AFF2: variants seen among roughly 807,000 people sequenced by gnomAD.
AFF2 encodes the protein ALF transcription elongation factor 2.
Under a neutral mutation model 76.9 loss-of-function variants are expected in AFF2, and 14 were observed. The observed-to-expected ratio is 0.18, with a 90% confidence interval of 0.12 to 0.28. The LOEUF is 0.28. Among genes scored for constraint, AFF2 ranks in the 10% least tolerant of loss-of-function variants. The pLI, the probability that AFF2 is intolerant of heterozygous loss-of-function variation, is 1.00. For synonymous variants in AFF2, 398 were observed against 366.7 expected, an observed-to-expected ratio of 1.09 and a Z score of -0.98; for missense variants, 868 against 1,001.1, an observed-to-expected ratio of 0.87 and a Z score of 1.79.
In AFF2 at chrX:148,967,635, C is replaced by A; in HGVS notation, c.3210C>A (p.His1070Gln). The change falls in exon 15 of 21, where the codon CAC becomes CAA. Residue 1070 changes from histidine (H) to glutamine (Q), a missense_variant. Around this residue, in one of 6 missense-constraint regions of AFF2, gnomAD observed 57 missense variants for 117.8 expected, o/e 0.48. Coordinates refer to ENST00000370460, the MANE Select transcript of AFF2 (RefSeq NM_002025.4). Reference protein sequence around the residue: ...RPKLTFDDSVHNADYYMQEAK... With the variant: ...RPKLTFDDSVQNADYYMQEAK... Reference sequence around the variant, plus strand: ...GCTTGTTTTGTTTATTTAGGGTTCACAATGCTGATTATTACATGCAAGAAG... The same window carrying A: ...GCTTGTTTTGTTTATTTAGGGTTCAAAATGCTGATTATTACATGCAAGAAG... 8.3e-7 allele frequency: 1 copy of A among 1,208,742 alleles called. No individual in the cohort carries two copies. The highest frequency in any genetic ancestry group is 1.1e-6 in the Non-Finnish European group (1 of 893,253).
chrX:148,626,189 G>C (rs1340052203), intron 1 of AFF2, among the ~76,000 whole-genome samples: 1 of 110,746 alleles, frequency 9.0e-6, no homozygotes, highest in Non-Finnish European at 1.9e-5. Context: ...ATGGATGTCG[G>C]GTGGTATTGT....
At chrX:148,915,030 T>TCAGTTG (rs1240423113) in intron 9 of AFF2, among the ~76,000 whole-genome samples, 4 of 112,475 alleles carry the variant, frequency 3.6e-5, no homozygotes, top group African/African-American at 1.3e-4. Flanking sequence ...AAGTTATTAT[T>TCAGTTG]CAGTTGACTA....
chrX:148,885,931 C>A lies in AFF2; in HGVS notation c.1305C>A (p.Asp435Glu), dbSNP rs782394662. Residue 435 changes from aspartate (D) to glutamate (E), a missense_variant, in exon 8 of 21, where the codon GAC (aspartate) becomes GAA (glutamate). This residue lies in a region of AFF2 where 532 missense variants were observed against 564.2 expected (regional missense o/e 0.94). Transcript: ENST00000370460. ...TGAAGCTGAGCAGTGATGAAGATGA[C>A]CTTGAGCCTGTGAAGACCTTGACCA... The part of the protein sequence containing the change: ...DDLKLSSDED[D>E]LEPVKTLTTQ... 1.7e-5 allele frequency: 21 copies of A among 1,210,469 alleles called. No homozygotes were observed. In the East Asian group the frequency reaches 6.2e-4, roughly 36 times the overall value.
chrX:148,691,437 G>A (rs1416846895), intron 3 of AFF2, among the ~76,000 whole-genome samples: 1 of 111,971 alleles, frequency 8.9e-6, no homozygotes, highest in Admixed American at 9.5e-5. Flanking sequence ...GAAACTCATA[G>A]TCTAGAGCGG....
rs1472578216 is a variant in AFF2, at chrX:148,967,218, A to AC, written c.3203+144dup. The AC allele has an allele frequency of 7.8e-6, 7 of 895,927 alleles. No individual in the cohort carries two copies. The Admixed American group carries it at 2.1e-4, about 26-fold the overall frequency. 73.8% of individuals were successfully genotyped at this position (895,927 alleles called of 1,213,427 possible). Reference sequence around the variant, plus strand: ...TCCTATACCCTTAAAAGTCCACCCCACCCCCTGCATACACACTCACCACTC... The same window carrying AC: ...TCCTATACCCTTAAAAGTCCACCCCACCCCCCTGCATACACACTCACCACTC... On this transcript the variant is annotated intron_variant, in intron 14 of 20. Coordinates refer to ENST00000370460, the MANE Select transcript of AFF2 (RefSeq NM_002025.4).
chrX:148,997,293 ACACACACT>A lies in AFF2; in HGVS notation c.*5969_*5976del, dbSNP rs1444202464. On this transcript the variant is annotated 3_prime_UTR_variant, in exon 21 of 21. Coordinates refer to ENST00000370460, the MANE Select transcript of AFF2 (RefSeq NM_002025.4). ...TGAGGCTTTCATTAAATACACACAC[ACACACACT>A]CACACACACACACATACACTTTTTA... 5 of 107,919 alleles carry A rather than the reference ACACACACT, an allele frequency of 4.6e-5. No individual in the cohort carries two copies. The highest frequency in any genetic ancestry group is 1.8e-4 in the African/African-American group (5 of 27,313). 8.9% of individuals were successfully genotyped at this position (107,919 alleles called of 1,213,427 possible).
intron 3 of AFF2, among the ~76,000 whole-genome samples, chrX:148,747,795 C>T (rs2055440499): frequency 8.9e-6 from 1 of 111,921 alleles, no homozygotes; most frequent in African/African-American, 3.2e-5. Context: ...GTGATTATAT[C>T]TCTTCTTCAG....
At chrX:148,556,823 C>T (rs1317810203) in intron 1 of AFF2, among the ~76,000 whole-genome samples, 1 of 112,157 alleles carries the variant, frequency 8.9e-6, no homozygotes, top group Non-Finnish European at 1.9e-5. Context: ...CCATCTTATT[C>T]CAACAGTTCT....
intron 16 of AFF2, among the ~76,000 whole-genome samples, chrX:148,977,078 T>C (rs1168287776): frequency 1.8e-5 from 2 of 112,198 alleles, no homozygotes; most frequent in African/African-American, 3.2e-5. Context: ...CGCCTTCTTA[T>C]AAATGAGAAC....
intron 7 of AFF2, among the ~76,000 whole-genome samples, chrX:148,849,360 CT>C (rs2070704402): frequency 7.5e-5 from 2 of 26,730 alleles, no homozygotes; most frequent in African/African-American, 5.1e-4. Context: ...ATGTCTCTCT[CT>C]CTCCTCCCCC....
intron 1 of AFF2, among the ~76,000 whole-genome samples, chrX:148,563,516 G>T (rs782569941): frequency 1.5e-4 from 17 of 111,185 alleles, no homozygotes; most frequent in Non-Finnish European, 2.6e-4. Context: ...CATGCTGGGG[G>T]TGATGGAGGT....
chrX:148,868,881 A>T (rs1557277078), intron 7 of AFF2, among the ~76,000 whole-genome samples: 2 of 112,226 alleles, frequency 1.8e-5, no homozygotes, highest in Non-Finnish European at 1.9e-5. Context: ...CCAGCCTTTT[A>T]TAAGGCACTA....
intron 3 of AFF2, among the ~76,000 whole-genome samples, chrX:148,750,190 G>A (rs1054591953): frequency 1.8e-5 from 2 of 110,044 alleles, no homozygotes; most frequent in African/African-American, 3.3e-5. Flanking sequence ...GGCTGGTCTC[G>A]AACTCCTGAC....
chrX:148,958,995 GAAAAAA>G (rs3060071), intron 12 of AFF2, among the ~76,000 whole-genome samples: 8 of 89,705 alleles, frequency 8.9e-5, no homozygotes, highest in Non-Finnish European at 1.1e-4. Context: ...CCAAGGGAAT[GAAAAAA>G]AAAAAAAAAA....
At chrX:148,532,953 T>G (rs1218887048) in intron 1 of AFF2, among the ~76,000 whole-genome samples, 1 of 111,714 alleles carries the variant, frequency 9.0e-6, no homozygotes, top group Non-Finnish European at 1.9e-5. Context: ...GTTGGCATCT[T>G]GGGAGCAGCT....
At chrX:148,969,290 G>A (rs2072219246) in intron 15 of AFF2, among the ~76,000 whole-genome samples, 1 of 112,774 alleles carries the variant, frequency 8.9e-6, no homozygotes, top group African/African-American at 3.2e-5. Flanking sequence ...GAGATGGGGT[G>A]AAAAGATCTT....
rs782435208 is a variant in AFF2 at position 148,885,877 on chromosome X, A to C, written c.1263-12A>C. The C allele has an allele frequency of 5.0e-6, 6 of 1,196,039 alleles. No individual in the cohort carries two copies. The South Asian group carries it at 8.9e-5, about 18-fold the overall frequency. On this transcript the variant is annotated splice_polypyrimidine_tract_variant and intron_variant, in intron 7 of 20. Coordinates refer to ENST00000370460, the MANE Select transcript of AFF2 (RefSeq NM_002025.4). Reference sequence around the variant, plus strand: ...GCCTTCTAACTCAAACACCACTCTGATCTCTTTGTAGGATGCTTGAGGATG... The same window carrying C: ...GCCTTCTAACTCAAACACCACTCTGCTCTCTTTGTAGGATGCTTGAGGATG...
At chrX:148,533,553 A>G (rs1386935939) in intron 1 of AFF2, among the ~76,000 whole-genome samples, 1 of 111,463 alleles carries the variant, frequency 9.0e-6, no homozygotes, top group Non-Finnish European at 1.9e-5. Context: ...CGGCCTCCCA[A>G]AGTGCTGGGA....
chrX:148,746,069 C>T (rs188240446), intron 3 of AFF2, among the ~76,000 whole-genome samples: 29 of 111,642 alleles, frequency 2.6e-4, no homozygotes, highest in Non-Finnish European at 1.9e-4. Flanking sequence ...AAGGGAAAAA[C>T]GCCTGCATAA....
Sources: allele counts gnomAD v4.1 joint callset (sites outside exome capture counted in the v4.1 genomes callset), GRCh38; gene constraint gnomAD v4.1.1; regional missense constraint gnomAD v4.1.1; transcripts MANE v1.5; gene names NCBI Gene and HGNC (gene_info 2026-07-23, HGNC 2026-07-21).